CDK17: variants seen among roughly 807,000 people sequenced by gnomAD.
The protein encoded by CDK17 is cyclin dependent kinase 17, also known as cyclin-dependent kinase 17.
CDK17 carries 24 observed loss-of-function variants against 77.6 expected under a neutral mutation model. The ratio of observed to expected loss-of-function variants is 0.31; its 90% CI spans 0.22 to 0.44. The LOEUF is 0.44. Ranked by LOEUF, CDK17 falls within the 20% of genes least tolerant of loss-of-function variation. CDK17 has a pLI of 1.00. For missense variants in CDK17, 429 were observed against 622.5 expected (o/e 0.69, Z 3.31); for synonymous variants, 203 against 210.4 (o/e 0.96, Z 0.30).
chr12:96,381,409 C>A (rs1953878213), intron 1 of CDK17, among the ~76,000 whole-genome samples: 1 of 149,768 alleles, frequency 6.7e-6, no homozygotes, highest in African/African-American at 2.5e-5. Flanking sequence ...ACAACCTAGA[C>A]AACGGGTAAC....
intron 1 of CDK17, among the ~76,000 whole-genome samples, chr12:96,362,814 C>G (rs1027159728): frequency 2.6e-5 from 4 of 152,086 alleles, no homozygotes; most frequent in African/African-American, 9.7e-5. Context: ...GAGAGGACAC[C>G]AAACATCAAA....
chr12:96,345,836 T>C (rs1251213265), intron 1 of CDK17, among the ~76,000 whole-genome samples: 2 of 152,134 alleles, frequency 1.3e-5, no homozygotes, highest in Non-Finnish European at 2.9e-5. Context: ...TTTTAAAAAT[T>C]AGCAAAGTGC....
chr12:96,361,067 G>A (rs1180467139), intron 1 of CDK17, among the ~76,000 whole-genome samples: 1 of 152,206 alleles, frequency 6.6e-6, no homozygotes, highest in Non-Finnish European at 1.5e-5. Context: ...GCTTGAAGGA[G>A]AAACCCTATG....
At chr12:96,294,393 A>C (rs1158529646) in intron 10 of CDK17, among the ~76,000 whole-genome samples, 1 of 151,674 alleles carries the variant, frequency 6.6e-6, no homozygotes, top group Non-Finnish European at 1.5e-5. Context: ...GGAGTTCGAG[A>C]TCAGCCTGAC....
intron 6 of CDK17, 52 bp downstream of exon 6, chr12:96,300,252 G>T: frequency 1.6e-6 from 2 of 1,213,848 alleles, no homozygotes; most frequent in South Asian, 1.3e-5. Flanking sequence ...AACAGAGTTT[G>T]AATGACGAAT....
intron 1 of CDK17, among the ~76,000 whole-genome samples, chr12:96,374,928 A>C (rs1488532943): frequency 2.0e-5 from 3 of 152,206 alleles, no homozygotes; most frequent in African/African-American, 7.2e-5. Context: ...TCTCCACATC[A>C]GCACCAGTTC....
intron 1 of CDK17, among the ~76,000 whole-genome samples, chr12:96,357,210 C>T (rs565324883): frequency 6.6e-6 from 1 of 152,132 alleles, no homozygotes; most frequent in Non-Finnish European, 1.5e-5. Flanking sequence ...GGCTATAATT[C>T]CAGCACTTTG....
At chr12:96,305,313 A>T (rs78845498) in intron 5 of CDK17, among the ~76,000 whole-genome samples, 5,730 of 152,326 alleles carry the variant, frequency 0.038, 188 homozygotes, top group Middle Eastern at 0.12. Flanking sequence ...CTGACAAAAA[A>T]TTAGTGAAAT....
At chr12:96,315,570 G>A (rs1952700678) in intron 3 of CDK17, among the ~76,000 whole-genome samples, 1 of 152,108 alleles carries the variant, frequency 6.6e-6, no homozygotes, top group Non-Finnish European at 1.5e-5. Flanking sequence ...CCTTCAAAAT[G>A]TTAAAAATAA....
At chr12:96,303,706 A>T (rs1237438321) in intron 5 of CDK17, among the ~76,000 whole-genome samples, 1 of 152,022 alleles carries the variant, frequency 6.6e-6, no homozygotes. Flanking sequence ...ATTATAATTT[A>T]TAATAGTCTT....
chr12:96,320,490 G>T (rs1270514321), intron 3 of CDK17, among the ~76,000 whole-genome samples: 1 of 147,180 alleles, frequency 6.8e-6, no homozygotes, highest in Non-Finnish European at 1.5e-5. Flanking sequence ...AAAAGAGCCC[G>T]CATCGCCAAG....
intron 1 of CDK17, among the ~76,000 whole-genome samples, chr12:96,370,606 T>C (rs562693010): frequency 1.4e-4 from 22 of 152,328 alleles, no homozygotes; most frequent in African/African-American, 5.1e-4. Context: ...ACTATTTTTA[T>C]AAAATACTAA....
In CDK17 at chr12:96,358,049, T is replaced by G. The variant is rs182339509; in HGVS notation, c.-29-23184A>C. Reference sequence around the variant, plus strand: ...AAGGACAAATATTAGTAATGTGATCTTTAACAAAAAGAAGTCCCAGAAGAC... The same window carrying G: ...AAGGACAAATATTAGTAATGTGATCGTTAACAAAAAGAAGTCCCAGAAGAC... On this transcript the variant is annotated intron_variant, in intron 1 of 16. Transcript: ENST00000261211. Among the ~76,000 whole-genome samples, 271 of 152,254 alleles carry G rather than the reference T, an allele frequency of 1.8e-3. 1 individual carries two copies. The highest frequency in any genetic ancestry group is 2.5e-3 in the Non-Finnish European group (171 of 68,006).
intron 1 of CDK17, among the ~76,000 whole-genome samples, chr12:96,335,415 A>C (rs1953028344): frequency 6.6e-6 from 1 of 152,208 alleles, no homozygotes; most frequent in African/African-American, 2.4e-5. Context: ...TGTCTCTTTC[A>C]TCCTAAGAGA....
chr12:96,301,547 T>C (rs1383747101), intron 5 of CDK17, among the ~76,000 whole-genome samples: 1 of 152,142 alleles, frequency 6.6e-6, no homozygotes, highest in Non-Finnish European at 1.5e-5. Flanking sequence ...TAAAGTTGCT[T>C]TCTAGTACCC....
intron 2 of CDK17, among the ~76,000 whole-genome samples, chr12:96,331,382 C>T (rs1952964506): frequency 6.6e-6 from 1 of 151,836 alleles, no homozygotes; most frequent in African/African-American, 2.4e-5. Context: ...AATTTTTCTG[C>T]AAAAATTTTA....
chr12:96,376,448 A>G (rs910002597), intron 1 of CDK17, among the ~76,000 whole-genome samples: 1 of 152,154 alleles, frequency 6.6e-6, no homozygotes, highest in Admixed American at 6.6e-5. Context: ...ATCAACACCC[A>G]CATGGCCCCC....
intron 1 of CDK17, among the ~76,000 whole-genome samples, chr12:96,345,743 T>C (rs1953198759): frequency 6.6e-6 from 1 of 152,046 alleles, no homozygotes; most frequent in South Asian, 2.1e-4. Flanking sequence ...ATGTTAACTA[T>C]AATCCTCAAG....
intron 1 of CDK17, among the ~76,000 whole-genome samples, chr12:96,345,458 T>A (rs1363976709): frequency 6.6e-6 from 1 of 152,222 alleles, no homozygotes; most frequent in African/African-American, 2.4e-5. Context: ...TGTAAAAGCA[T>A]CCCTATTTCT....
Sources: gnomAD v4.1 joint callset for allele counts (sites outside exome capture counted in the v4.1 genomes callset) on GRCh38, gnomAD v4.1.1 for gene constraint, MANE v1.5 for transcripts, NCBI Gene and HGNC (gene_info 2026-07-23, HGNC 2026-07-21) for gene names.